Variants in COL23A1 observed in about 807,000 individuals in gnomAD.
COL23A1 encodes collagen type XXIII alpha 1 chain.
COL23A1 carries 97 observed loss-of-function variants against 99.3 expected under a neutral mutation model. The observed-to-expected ratio is 0.98, with a 90% CI of 0.83 to 1.16. COL23A1 has a LOEUF of 1.16. Ranked by LOEUF, COL23A1 falls within the 50% of genes most tolerant of loss-of-function variation. The pLI, the probability that COL23A1 is intolerant of heterozygous loss-of-function variation, is 0.00. For synonymous variants in COL23A1, 320 were observed against 308.2 expected (o/e 1.04, Z -0.40); for missense variants, 762 against 757.4 (o/e 1.01, Z -0.07).
chr5:178,252,687 C>T (rs975782754), intron 16 of COL23A1, 90 bp from the exon 17 acceptor site: 1 of 1,128,548 alleles, frequency 8.9e-7, no homozygotes, highest in Non-Finnish European at 1.3e-6. Context: ...AATCAAGTCC[C>T]CGTCCAGCTG....
Position 178,375,585 on chromosome 5 carries a change from G to A in COL23A1, c.362-68666C>T, listed in dbSNP as rs141869663. Among the ~76,000 whole-genome samples, 377 of 152,320 alleles carry A rather than the reference G, an allele frequency of 2.5e-3. 2 individuals are homozygous for A. The highest frequency in any genetic ancestry group is 8.7e-3 in the African/African-American group (362 of 41,570). ...CCGACAGCCTCGTTCCTGCTTTCCC[G>A]TCTTACTTCTCTCCCACCTTGCTGA... On this transcript the variant is annotated intron_variant, in intron 2 of 28. Transcript: ENST00000390654.
intron 2 of COL23A1, among the ~76,000 whole-genome samples, chr5:178,425,557 A>G (rs972675392): frequency 5.9e-5 from 9 of 152,022 alleles, no homozygotes; most frequent in African/African-American, 2.2e-4. Context: ...GAACATTGAC[A>G]CCACAGGGCA....
chr5:178,354,900 T>C (rs1187850260), intron 2 of COL23A1, among the ~76,000 whole-genome samples: 1 of 151,788 alleles, frequency 6.6e-6, no homozygotes, highest in Non-Finnish European at 1.5e-5. Context: ...CTAGTAAAAA[T>C]ACAAAAAATT....
At chr5:178,261,631 G>A in intron 11 of COL23A1, 91 bp downstream of exon 11, 1 of 867,282 alleles carries the variant, frequency 1.2e-6, no homozygotes, top group Non-Finnish European at 2.0e-6. Context: ...CTTCACTAGG[G>A]GTGGGGGGAA....
intron 2 of COL23A1, among the ~76,000 whole-genome samples, chr5:178,505,725 C>A (rs977428791): frequency 6.6e-6 from 1 of 152,074 alleles, no homozygotes; most frequent in Non-Finnish European, 1.5e-5. Flanking sequence ...ACCCATAACA[C>A]GAAGGTAATC....
chr5:178,240,308 G>A (rs999579537), intron 27 of COL23A1, among the ~76,000 whole-genome samples: 2 of 152,218 alleles, frequency 1.3e-5, no homozygotes, highest in African/African-American at 4.8e-5. Flanking sequence ...TGTACACCAG[G>A]GACCAGGCTA....
At chr5:178,562,173 C>T (rs114582223) in intron 1 of COL23A1, 3 of 455,906 alleles carry the variant, frequency 6.6e-6, no homozygotes, top group South Asian at 1.6e-5. Flanking sequence ...ACGCGAGAGG[C>T]GGAGGTTGCA....
chr5:178,308,063 G>A lies in COL23A1; in HGVS notation c.362-1144C>T, dbSNP rs1442888646. ...TGTGTCTCTATGTATGTGTGTTTGTGTGCATGTGTGTGTCTGTGTTTTTGT... is the reference window on the plus strand; with the variant it reads ...TGTGTCTCTATGTATGTGTGTTTGTATGCATGTGTGTGTCTGTGTTTTTGT... On this transcript the variant is annotated intron_variant, in intron 2 of 28. Coordinates refer to ENST00000390654, the MANE Select transcript of COL23A1 (RefSeq NM_173465.4). This position sits in a 1 kb window ranked among gnomAD's most constrained non-coding sequence, Gnocchi z 5.1. Among the ~76,000 whole-genome samples, 1 of 151,928 alleles carries A rather than the reference G, an allele frequency of 6.6e-6. No homozygotes were observed. Among genetic ancestry groups the A allele is most frequent in the East Asian group, 1.9e-4 (1 of 5,196 alleles).
intron 2 of COL23A1, among the ~76,000 whole-genome samples, chr5:178,545,256 C>T (rs552056497): frequency 2.6e-5 from 4 of 152,294 alleles, no homozygotes; most frequent in East Asian, 1.9e-4. Context: ...TGAGCCCCCA[C>T]GCCCCTCACA....
chr5:178,411,367 A>G (rs143801065), intron 2 of COL23A1, among the ~76,000 whole-genome samples: 66 of 152,338 alleles, frequency 4.3e-4, no homozygotes, highest in African/African-American at 1.5e-3. Context: ...CACTAATCAC[A>G]ATAGCCAAAG....
At position 178,369,475 on chromosome 5, in the gene COL23A1, A is replaced by T. The variant is rs186559464; in HGVS notation, c.362-62556T>A. ...TGTCCAGAAAGCACTCAGAGAAATT[A>T]CAATAATAAAGTTAGTCCATTATAT... is the stretch of plus-strand genomic sequence containing the variant. On this transcript the variant is annotated intron_variant, in intron 2 of 28. Transcript: ENST00000390654. 3.0e-3 allele frequency among the ~76,000 whole-genome samples: 460 copies of T among 152,344 alleles called. 2 individuals are homozygous for T. The highest frequency in any genetic ancestry group is 0.011 in the African/African-American group (439 of 41,576).
intron 2 of COL23A1, among the ~76,000 whole-genome samples, chr5:178,481,057 A>G (rs1305486135): frequency 6.6e-6 from 1 of 150,728 alleles, no homozygotes; most frequent in African/African-American, 2.4e-5. Context: ...CTAAGGCATG[A>G]ACATTGCTTG....
intron 1 of COL23A1, among the ~76,000 whole-genome samples, chr5:178,587,554 G>A (rs1764064549): frequency 6.6e-6 from 1 of 152,134 alleles, no homozygotes; most frequent in South Asian, 2.1e-4. Context: ...AAACAAGTTT[G>A]CTGTAGGACA....
chr5:178,580,327 C>CAAA (rs139837263), intron 1 of COL23A1, among the ~76,000 whole-genome samples: 78 of 114,088 alleles, frequency 6.8e-4, no homozygotes, highest in African/African-American at 2.3e-3. Flanking sequence ...GACTCCATCT[C>CAAA]AAAAAAAAAA....
chr5:178,374,046 C>T (rs1762938238), intron 2 of COL23A1, among the ~76,000 whole-genome samples: 1 of 152,192 alleles, frequency 6.6e-6, no homozygotes, highest in Non-Finnish European at 1.5e-5. Flanking sequence ...AGGTCATATG[C>T]ACCTTTGAGT....
intron 2 of COL23A1, among the ~76,000 whole-genome samples, chr5:178,528,627 A>T (rs1382928425): frequency 1.3e-5 from 2 of 152,194 alleles, no homozygotes; most frequent in East Asian, 3.9e-4. Context: ...CCTGACCAAC[A>T]TGGAGAAACC....
chr5:178,273,057 C>T (rs776881674), intron 5 of COL23A1, among the ~76,000 whole-genome samples: 1 of 152,214 alleles, frequency 6.6e-6, no homozygotes, highest in African/African-American at 2.4e-5. Flanking sequence ...AGGCCCGTGC[C>T]GCGGTGCTGT....
chr5:178,355,077 T>C (rs1761562094), intron 2 of COL23A1, among the ~76,000 whole-genome samples: 1 of 151,750 alleles, frequency 6.6e-6, no homozygotes, highest in Non-Finnish European at 1.5e-5. Context: ...AAAAATGGAT[T>C]TTTAAAATGC....
intron 2 of COL23A1, among the ~76,000 whole-genome samples, chr5:178,516,383 C>T (rs759532131): frequency 4.6e-5 from 7 of 152,206 alleles, no homozygotes; most frequent in African/African-American, 9.7e-5. Flanking sequence ...TGCCCAAAGG[C>T]GCTGCCCGAT....
Sources: gnomAD v4.1 joint callset for allele counts (sites outside exome capture counted in the v4.1 genomes callset) on GRCh38, gnomAD v4.1.1 for gene constraint, Gnocchi (gnomAD v3.1) non-coding constraint, MANE v1.5 for transcripts, NCBI Gene and HGNC (gene_info 2026-07-23, HGNC 2026-07-21) for gene names.